The following DOK6 variants were observed in gnomAD, a reference collection of about 807,000 sequenced individuals.
DOK6 encodes the protein docking protein 6, also known as downstream of tyrosine kinase 6.
In DOK6, 22 loss-of-function variants were observed where a neutral mutation model predicts 44.0. The ratio of observed to expected loss-of-function variants is 0.50; its 90% CI spans 0.36 to 0.71. The LOEUF (loss-of-function observed/expected upper bound fraction) is 0.71, where lower values mean the gene tolerates loss of function less well. Ranked by LOEUF, DOK6 falls within the 30% of genes least tolerant of loss-of-function variation. The pLI is 0.00. For synonymous variants in DOK6, 166 were observed against 145.5 expected (o/e 1.14, Z -1.01); for missense variants, 340 against 416.4 (o/e 0.82, Z 1.60).
intron 7 of DOK6, among the ~76,000 whole-genome samples, chr18:69,828,722 C>A (rs1364100744): frequency 6.6e-6 from 1 of 150,622 alleles, no homozygotes; most frequent in Non-Finnish European, 1.5e-5. Context: ...GTGGGCTGAG[C>A]ACTACATAAA....
chr18:69,544,459 C>A (rs1167919217), intron 1 of DOK6, among the ~76,000 whole-genome samples: 3 of 151,536 alleles, frequency 2.0e-5, no homozygotes, highest in African/African-American at 4.8e-5. Flanking sequence ...AATGGGAAAG[C>A]AGTCAGTAAA....
chr18:69,532,089 T>G (rs570917670), intron 1 of DOK6, among the ~76,000 whole-genome samples: 83 of 152,316 alleles, frequency 5.4e-4, no homozygotes, highest in Non-Finnish European at 9.6e-4. Flanking sequence ...AGGCCCTCAC[T>G]AAGAACTGAA....
At chr18:69,782,243 G>A (rs1280295762) in intron 7 of DOK6, among the ~76,000 whole-genome samples, 2 of 135,406 alleles carry the variant, frequency 1.5e-5, no homozygotes, top group African/African-American at 5.6e-5. Context: ...ATGGTGTCTC[G>A]CTCTGTCACC....
chr18:69,765,763 G>T (rs1672750105), intron 7 of DOK6, among the ~76,000 whole-genome samples: 2 of 152,046 alleles, frequency 1.3e-5, no homozygotes, highest in South Asian at 4.2e-4. Context: ...TACCACTACT[G>T]ACTGATGTGA....
At chr18:69,571,398 A>ATAAT (rs1983111929) in intron 2 of DOK6, among the ~76,000 whole-genome samples, 1 of 152,214 alleles carries the variant, frequency 6.6e-6, no homozygotes, top group Non-Finnish European at 1.5e-5. Flanking sequence ...CAATCCATGA[A>ATAAT]TAATTACGTT....
intron 1 of DOK6, among the ~76,000 whole-genome samples, chr18:69,404,534 A>G (rs758921960): frequency 1.3e-5 from 2 of 152,196 alleles, no homozygotes; most frequent in Admixed American, 6.5e-5. Context: ...CATCATCACC[A>G]TCATCACAGT....
chr18:69,639,738 G>A lies in DOK6; in HGVS notation c.290-37996G>A, dbSNP rs1234585998. Among the ~76,000 whole-genome samples, 7 of 152,092 alleles carry A rather than the reference G, an allele frequency of 4.6e-5. No homozygotes were observed. The East Asian group carries it at 1.2e-3, about 25-fold the overall frequency. On this transcript the variant is annotated intron_variant, in intron 3 of 7. Transcript: ENST00000382713. ...AAGAAAGAGTGGGGAGGAAATAAGG[G>A]GAAAGGAAGACAGAAAGAAAGAGAA...
intron 1 of DOK6, among the ~76,000 whole-genome samples, chr18:69,403,304 A>G (rs1406924665): frequency 1.3e-5 from 2 of 152,168 alleles, no homozygotes; most frequent in African/African-American, 2.4e-5. Context: ...AAAACTGAGT[A>G]TGTAACCCAA....
chr18:69,409,351 C>T (rs7240762), intron 1 of DOK6, among the ~76,000 whole-genome samples: 33,000 of 152,116 alleles, frequency 0.22, 3,927 homozygotes, highest in Non-Finnish European at 0.26. Context: ...TAATTTTTTC[C>T]TAACGATTTT....
chr18:69,827,735 C>G (rs1384078397), intron 7 of DOK6, among the ~76,000 whole-genome samples: 1 of 151,964 alleles, frequency 6.6e-6, no homozygotes. Flanking sequence ...GTAGCCTGAG[C>G]TTTCTGCATA....
At chr18:69,426,328 G>A (rs1978634790) in intron 1 of DOK6, among the ~76,000 whole-genome samples, 4 of 151,932 alleles carry the variant, frequency 2.6e-5, no homozygotes, top group Admixed American at 2.0e-4. Context: ...TGCATTTTAG[G>A]ATTTGTTTAT....
At chr18:69,804,550 G>T (rs1980997877) in intron 7 of DOK6, among the ~76,000 whole-genome samples, 1 of 152,114 alleles carries the variant, frequency 6.6e-6, no homozygotes, top group African/African-American at 2.4e-5. Context: ...CACATTATAT[G>T]AACTGTCCAT....
chr18:69,626,704 C>T (rs1177852718), intron 3 of DOK6, among the ~76,000 whole-genome samples: 1 of 152,170 alleles, frequency 6.6e-6, no homozygotes, highest in East Asian at 1.9e-4. Flanking sequence ...TCGAGGTGCT[C>T]ATCAAAGTTA....
intron 3 of DOK6, among the ~76,000 whole-genome samples, chr18:69,626,561 G>A (rs1005115718): frequency 2.0e-5 from 3 of 152,154 alleles, no homozygotes; most frequent in Admixed American, 6.5e-5. Context: ...AATGGGAAGA[G>A]GCTAAAATAT....
intron 3 of DOK6, among the ~76,000 whole-genome samples, chr18:69,668,755 A>C (rs1985722160): frequency 6.6e-6 from 1 of 152,204 alleles, no homozygotes; most frequent in African/African-American, 2.4e-5. Flanking sequence ...TGTGACTCAA[A>C]GCATCATGTT....
intron 1 of DOK6, among the ~76,000 whole-genome samples, chr18:69,425,308 A>G (rs1978606486): frequency 6.6e-6 from 1 of 151,960 alleles, no homozygotes; most frequent in Non-Finnish European, 1.5e-5. Context: ...AGCTTGTCAC[A>G]GTGCTACCTG....
intron 2 of DOK6, among the ~76,000 whole-genome samples, chr18:69,593,195 T>C (rs1441203104): frequency 2.0e-5 from 3 of 151,926 alleles, no homozygotes; most frequent in Non-Finnish European, 4.4e-5. Context: ...AGAGAGCCCA[T>C]TTCTACAAAA....
intron 3 of DOK6, among the ~76,000 whole-genome samples, chr18:69,641,484 A>G (rs567644525): frequency 6.6e-6 from 1 of 152,230 alleles, no homozygotes; most frequent in African/African-American, 2.4e-5. Context: ...TTTTTAATTC[A>G]TTAAATCTGG....
At chr18:69,556,347 C>G (rs555653380) in intron 1 of DOK6, among the ~76,000 whole-genome samples, 1 of 152,252 alleles carries the variant, frequency 6.6e-6, no homozygotes, top group South Asian at 2.1e-4. Flanking sequence ...ATGTCTGCAT[C>G]ACTCATTCTT....
Sources: allele counts gnomAD v4.1 joint callset (sites outside exome capture counted in the v4.1 genomes callset), GRCh38; gene constraint gnomAD v4.1.1; transcripts MANE v1.5; gene names NCBI Gene and HGNC (gene_info 2026-07-23, HGNC 2026-07-21).